The following ASAP2 variants were observed in gnomAD, a reference collection of about 807,000 sequenced individuals.
ASAP2 encodes ArfGAP with SH3 domain, ankyrin repeat and PH domain 2, also known as arf-GAP with SH3 domain, ANK repeat and PH domain-containing protein 2.
A neutral mutation model predicts 131.4 loss-of-function variants in ASAP2; 45 were observed. That is an observed-to-expected ratio of 0.34 (90% CI 0.27 to 0.44). The LOEUF is 0.44. Ranked by LOEUF, ASAP2 falls within the 20% of genes least tolerant of loss-of-function variation. The probability of loss-of-function intolerance (pLI) is 1.00; values close to 1 mark genes in which losing one functional copy is unlikely to be tolerated. For missense variants in ASAP2, 1,011 were observed against 1,297.0 expected (o/e 0.78, Z 3.39); for synonymous variants, 510 against 503.0 (o/e 1.01, Z -0.19).
chr2:9,368,972 ATGTTTG>A (rs1558374507), intron 16 of ASAP2, among the ~76,000 whole-genome samples: 11 of 151,460 alleles, frequency 7.3e-5, no homozygotes. Context: ...CCTTCAAAAA[ATGTTTG>A]TGTTTGTGTT....
chr2:9,225,204 A>G (rs568926904), intron 1 of ASAP2, among the ~76,000 whole-genome samples: 1 of 152,230 alleles, frequency 6.6e-6, no homozygotes, highest in Non-Finnish European at 1.5e-5. Context: ...AATATTTATC[A>G]TCTGCTCCTT....
chr2:9,313,514 A>G (rs1020535214), intron 3 of ASAP2, among the ~76,000 whole-genome samples: 1 of 152,170 alleles, frequency 6.6e-6, no homozygotes, highest in African/African-American at 2.4e-5. Flanking sequence ...TTTCTTCCCC[A>G]CAACCCACCT....
chr2:9,401,521 C>A, intron 27 of ASAP2, 125 bp downstream of exon 27: 1 of 1,268,288 alleles, frequency 7.9e-7, no homozygotes, highest in Non-Finnish European at 1.1e-6. Flanking sequence ...GTTCCTGGTG[C>A]CTCCGCCCCT....
chr2:9,317,702 CCA>C (rs775002138), intron 3 of ASAP2, among the ~76,000 whole-genome samples: 86 of 150,640 alleles, frequency 5.7e-4, no homozygotes, highest in Non-Finnish European at 7.8e-4. Context: ...CCTCACACGC[CCA>C]CACACACCCA....
chr2:9,384,946 A>G (rs1675150240), intron 20 of ASAP2, among the ~76,000 whole-genome samples: 1 of 152,264 alleles, frequency 6.6e-6, no homozygotes, highest in African/African-American at 2.4e-5. Context: ...CTGTCTCCTG[A>G]GGCCTTAACA....
intron 3 of ASAP2, among the ~76,000 whole-genome samples, chr2:9,297,912 A>C (rs1668246167): frequency 6.6e-6 from 1 of 152,158 alleles, no homozygotes; most frequent in Admixed American, 6.5e-5. Flanking sequence ...TAGAACCTAA[A>C]AAAAAGCAGG....
chr2:9,346,848 C>T (rs1014411808), intron 11 of ASAP2, among the ~76,000 whole-genome samples: 1 of 152,258 alleles, frequency 6.6e-6, no homozygotes, highest in African/African-American at 2.4e-5. Context: ...GCATAAACTT[C>T]ACTTCGAGTC....
intron 1 of ASAP2, among the ~76,000 whole-genome samples, chr2:9,255,113 G>A (rs1665068410): frequency 6.6e-6 from 1 of 152,108 alleles, no homozygotes; most frequent in Admixed American, 6.5e-5. Flanking sequence ...CATTTTACTG[G>A]GTGTGTAATG....
chr2:9,343,015 C>T (rs560435558), intron 9 of ASAP2, among the ~76,000 whole-genome samples: 5 of 152,314 alleles, frequency 3.3e-5, no homozygotes, highest in South Asian at 2.1e-4. Flanking sequence ...GATTTTCCTG[C>T]GTTAGTTCTT....
chr2:9,378,983 C>G lies in ASAP2; in HGVS notation c.1872C>G (p.Ala624=), dbSNP rs146995921. The G allele has an allele frequency of 1.1e-4, 171 of 1,562,974 alleles. 1 individual carries two copies. The African/African-American group carries it at 2.2e-3, about 20-fold the overall frequency. ...LDKQTGKGST[A]LHYCCLTDNA... ...AACAGACAGGGAAAGGCAGCACAGCCCTGCACTACTGCTGCCTGACCGACA... is the reference window on the plus strand; with the variant it reads ...AACAGACAGGGAAAGGCAGCACAGCGCTGCACTACTGCTGCCTGACCGACA... Residue 624 remains alanine (A), a synonymous_variant, in exon 19 of 28, where the codon GCC becomes GCG. Transcript: ENST00000281419.
At chr2:9,263,382 G>A (rs1253508618) in intron 1 of ASAP2, among the ~76,000 whole-genome samples, 1 of 152,210 alleles carries the variant, frequency 6.6e-6, no homozygotes, top group African/African-American at 2.4e-5. Context: ...GCCCAGAGCT[G>A]CCCCACGCTG....
intron 15 of ASAP2, among the ~76,000 whole-genome samples, chr2:9,367,758 T>G (rs1673593068): frequency 6.6e-6 from 1 of 152,064 alleles, no homozygotes; most frequent in Admixed American, 6.5e-5. Context: ...CAAGACACTG[T>G]CTCAAAAAAA....
chr2:9,255,548 A>G (rs61407647), intron 1 of ASAP2, among the ~76,000 whole-genome samples: 258 of 152,344 alleles, frequency 1.7e-3, no homozygotes, highest in African/African-American at 6.1e-3. Flanking sequence ...AGCTTAATGA[A>G]GTAGCCTCTC....
At chr2:9,297,193 T>C in intron 2 of ASAP2, 107 bp from the exon 3 acceptor site, 1 of 1,381,504 alleles carries the variant, frequency 7.2e-7, no homozygotes, top group Non-Finnish European at 9.8e-7. Flanking sequence ...TTTTCTCAGA[T>C]TTTTCTTCTG....
At chr2:9,262,140 A>C (rs1323426320) in intron 1 of ASAP2, among the ~76,000 whole-genome samples, 1 of 152,218 alleles carries the variant, frequency 6.6e-6, no homozygotes, top group Non-Finnish European at 1.5e-5. Context: ...GCGTGCCATC[A>C]TGCCTGTATG....
intron 1 of ASAP2, among the ~76,000 whole-genome samples, chr2:9,218,578 A>C (rs1341899585): frequency 6.6e-6 from 1 of 152,220 alleles, no homozygotes; most frequent in South Asian, 2.1e-4. Context: ...TTTGAAAGGA[A>C]GGGAGAATGT....
intron 9 of ASAP2, among the ~76,000 whole-genome samples, chr2:9,339,056 G>A (rs188334389): frequency 1.3e-5 from 2 of 152,290 alleles, no homozygotes; most frequent in Admixed American, 1.3e-4. Flanking sequence ...ACATGCACGT[G>A]TAGTCCCAGC....
At chr2:9,252,174 C>T (rs902539125) in intron 1 of ASAP2, among the ~76,000 whole-genome samples, 1 of 152,184 alleles carries the variant, frequency 6.6e-6, no homozygotes, top group African/African-American at 2.4e-5. Context: ...GCGTGCCTGA[C>T]ACCAGCTGCT....
rs749859978 is a variant in ASAP2 at position 9,389,415 on chromosome 2, G to A, written c.2383+869G>A. On this transcript the variant is annotated intron_variant, in intron 22 of 27. Coordinates refer to ENST00000281419, the MANE Select transcript of ASAP2 (RefSeq NM_003887.3). The surrounding 1 kb of genome is among the most constrained non-coding windows in gnomAD (Gnocchi z 4.7). ...GAGCCGCTGATGGAGTGGAGCCCACGTCCCCAAATACATCCCAAACTGTCC... is the reference window on the plus strand; with the variant it reads ...GAGCCGCTGATGGAGTGGAGCCCACATCCCCAAATACATCCCAAACTGTCC... Among the ~76,000 whole-genome samples, 3 of 152,186 alleles carry A rather than the reference G, an allele frequency of 2.0e-5. No homozygotes were observed. The highest frequency in any genetic ancestry group is 2.1e-4 in the South Asian group (1 of 4,826).
Sources: gnomAD v4.1 joint callset for allele counts (sites outside exome capture counted in the v4.1 genomes callset) on GRCh38, gnomAD v4.1.1 for gene constraint, Gnocchi (gnomAD v3.1) non-coding constraint, MANE v1.5 for transcripts, NCBI Gene and HGNC (gene_info 2026-07-23, HGNC 2026-07-21) for gene names.